PIK3R4: variants seen among roughly 807,000 people sequenced by gnomAD.
PIK3R4 encodes the protein phosphoinositide 3-kinase regulatory subunit 4.
PIK3R4 carries 46 observed loss-of-function variants against 136.5 expected under a neutral mutation model. The observed-to-expected ratio is 0.34, with a 90% CI of 0.27 to 0.43. PIK3R4 has a LOEUF of 0.43. Ranked by LOEUF, PIK3R4 falls within the 20% of genes least tolerant of loss-of-function variation. The pLI, the probability that PIK3R4 is intolerant of heterozygous loss-of-function variation, is 1.00. For missense variants in PIK3R4, 1,331 were observed against 1,649.5 expected (o/e 0.81, Z 3.35); for synonymous variants, 557 against 566.7 (o/e 0.98, Z 0.24).
chr3:130,694,519 T>C (rs1041499772), intron 13 of PIK3R4, among the ~76,000 whole-genome samples: 1 of 152,124 alleles, frequency 6.6e-6, no homozygotes, highest in Non-Finnish European at 1.5e-5. Flanking sequence ...TTCCCAAGTA[T>C]TTTGTTCATT....
Position 130,684,236 on chromosome 3 carries a change from G to C in PIK3R4, c.3607+14C>G. 6.2e-7 allele frequency: 1 copy of C among 1,608,722 alleles called. No individual in the cohort carries two copies. Among genetic ancestry groups the C allele is most frequent in the South Asian group, 1.1e-5 (1 of 90,696 alleles). On this transcript the variant is annotated intron_variant, in intron 16 of 19. Coordinates refer to ENST00000356763, the MANE Select transcript of PIK3R4 (RefSeq NM_014602.3). ...AAAATCTCCCAACACATGAAAGCCA[G>C]CCCTCCATCTTACCTGCAATCACCC...
intron 3 of PIK3R4, among the ~76,000 whole-genome samples, chr3:130,734,590 C>T (rs1011477584): frequency 1.3e-5 from 2 of 152,156 alleles, no homozygotes; most frequent in African/African-American, 4.8e-5. Flanking sequence ...AACCTTATTG[C>T]CACAAGTGCA....
chr3:130,722,099 G>T (rs2066704356), intron 7 of PIK3R4, among the ~76,000 whole-genome samples: 1 of 152,092 alleles, frequency 6.6e-6, no homozygotes, highest in Non-Finnish European at 1.5e-5. Flanking sequence ...TGAGAGAGAT[G>T]TATATAGTCT....
At chr3:130,716,656 A>G in intron 8 of PIK3R4, 57 bp from the exon 9 acceptor site, 2 of 989,102 alleles carry the variant, frequency 2.0e-6, no homozygotes, top group Non-Finnish European at 3.0e-6. Context: ...AGTTATTTTC[A>G]AATTCAATAA....
At chr3:130,718,328 C>T (rs1272538078) in intron 8 of PIK3R4, 61 bp downstream of exon 8, 6 of 1,447,316 alleles carry the variant, frequency 4.1e-6, no homozygotes, top group Admixed American at 1.8e-5. Flanking sequence ...ACTCTCTAAA[C>T]ATTTTTTTTA....
intron 13 of PIK3R4, among the ~76,000 whole-genome samples, chr3:130,699,452 A>G (rs1246442946): frequency 1.3e-5 from 2 of 152,208 alleles, no homozygotes; most frequent in Non-Finnish European, 2.9e-5. Flanking sequence ...GCTAGTTTTC[A>G]TAACTACCAT....
intron 14 of PIK3R4, among the ~76,000 whole-genome samples, chr3:130,687,821 G>C (rs1227721821): frequency 6.6e-6 from 1 of 151,926 alleles, no homozygotes; most frequent in Non-Finnish European, 1.5e-5. Context: ...CTAATTTTTT[G>C]ACACCACAAG....
rs1426479971 is a variant in PIK3R4, at chr3:130,703,725, G to A, written c.3096C>T (p.Thr1032=). Residue 1032 remains threonine (T), a splice_region_variant and synonymous_variant, in exon 13 of 20, where the codon ACC becomes ACT. Coordinates refer to ENST00000356763, the MANE Select transcript of PIK3R4 (RefSeq NM_014602.3). ...SQKMEGKTTT[T]RSILTYSRIG... is the part of the protein sequence containing the mutation. ...ATTCATTCCTGAGCATATGGTACCT[G>A]GTAGTGGTGGTCTTCCCCTCCATCT... 6.2e-7 allele frequency: 1 copy of A among 1,604,184 alleles called. No homozygotes were observed. The highest frequency in any genetic ancestry group is 1.3e-5 in the African/African-American group (1 of 74,806).
At chr3:130,701,509 C>CA (rs539905190) in intron 13 of PIK3R4, among the ~76,000 whole-genome samples, 1,802 of 96,864 alleles carry the variant, frequency 0.019, 18 homozygotes, top group East Asian at 0.068. Context: ...GAGACTGTCT[C>CA]AAAAAAAAAA....
chr3:130,696,938 T>C (rs2066549325), intron 13 of PIK3R4, among the ~76,000 whole-genome samples: 1 of 152,158 alleles, frequency 6.6e-6, no homozygotes, highest in South Asian at 2.1e-4. Flanking sequence ...TGCTGTTAAG[T>C]ATGTTTGTAA....
Position 130,746,419 on chromosome 3 carries a change from G to A in PIK3R4, c.-148C>T, listed in dbSNP as rs946829180. On this transcript the variant is annotated 5_prime_UTR_variant, in exon 1 of 20. Transcript: ENST00000356763. ...GGGAAAACGCGTCAGCAGCGGGGAA[G>A]TTGTTTCTACGAAGGGTCTTTCTTC... The A allele has an allele frequency of 2.0e-5, 3 of 152,296 alleles. No individual in the cohort carries two copies. Among genetic ancestry groups the A allele is most frequent in the Non-Finnish European group, 4.4e-5 (3 of 68,124 alleles). The allele number at this position is 152,296 out of a possible 1,614,324, so 9.4% of individuals were successfully genotyped here. A position where few individuals can be genotyped will look rare whatever the true frequency, so the allele number is the denominator to read the frequency against.
intron 15 of PIK3R4, among the ~76,000 whole-genome samples, chr3:130,685,289 A>G (rs1272280901): frequency 6.6e-6 from 1 of 152,168 alleles, no homozygotes. Context: ...TTCATAGCAA[A>G]TAAGTAGGTA....
At chr3:130,705,142 TA>T (rs200415321) in intron 12 of PIK3R4, among the ~76,000 whole-genome samples, 2 of 152,284 alleles carry the variant, frequency 1.3e-5, no homozygotes, top group East Asian at 1.9e-4. Context: ...GTTTTCTTTT[TA>T]AAAAAAGTAC....
chr3:130,718,400 G>A lies in PIK3R4; in HGVS notation c.2116C>T (p.Pro706Ser), dbSNP rs373670198. Residue 706 changes from proline (P) to serine (S), a missense_variant, in exon 8 of 20, where the codon CCA (proline) becomes TCA (serine). Around this residue, in one of 2 missense-constraint regions of PIK3R4, gnomAD observed 1,180 missense variants for 1,407.0 expected, o/e 0.84. Transcript: ENST00000356763. ...MPYLDPYITQ[P>S]IIQIERKLVL... ...TGGAACATGTATACCTGTATTATTG[G>A]TTGGGTAATATATGGGTCAAGATAA... is the stretch of plus-strand genomic sequence containing the variant. 4.3e-6 allele frequency: 7 copies of A among 1,613,360 alleles called. No individual in the cohort carries two copies. The highest frequency in any genetic ancestry group is 5.1e-6 in the Non-Finnish European group (6 of 1,179,450).
chr3:130,703,611 T>G, intron 13 of PIK3R4, 112 bp downstream of exon 13: 2 of 727,368 alleles, frequency 2.7e-6, no homozygotes, highest in Non-Finnish European at 4.6e-6. Flanking sequence ...TTTTGTCCAT[T>G]TATTGTTGCT....
In PIK3R4 at chr3:130,728,471, C is replaced by T; in HGVS notation, c.1799G>A (p.Ser600Asn). Residue 600 changes from serine to asparagine, a missense_variant, in exon 6 of 20, where the codon AGT (serine) becomes AAT (asparagine). By Grantham distance (46) the Ser-to-Asn change is conservative (BLOSUM62 1). Around this residue, in one of 2 missense-constraint regions of PIK3R4, gnomAD observed 1,180 missense variants for 1,407.0 expected, o/e 0.84. Transcript: ENST00000356763. The part of the protein sequence containing the change: ...DWHLRGAFFD[S>N]IVGVAAYVGW... ...AAAAGCAAAAAACATACCAACTATA[C>T]TATCAAAAAATGCTCCACGTAGATG... The T allele has an allele frequency of 6.2e-7, 1 of 1,602,562 alleles. No individual in the cohort carries two copies. The highest frequency in any genetic ancestry group is 8.5e-7 in the Non-Finnish European group (1 of 1,173,154).
intron 6 of PIK3R4, among the ~76,000 whole-genome samples, chr3:130,727,332 T>C (rs2066737730): frequency 6.9e-6 from 1 of 144,636 alleles, no homozygotes; most frequent in African/African-American, 2.5e-5. Context: ...GCCATTCTCC[T>C]GCCTCAGCCC....
At chr3:130,708,810 T>C (rs2066619291) in intron 9 of PIK3R4, among the ~76,000 whole-genome samples, 1 of 152,170 alleles carries the variant, frequency 6.6e-6, no homozygotes, top group Non-Finnish European at 1.5e-5. Context: ...TGATATCTAG[T>C]AGTATTTAAA....
chr3:130,744,347 G>A (rs1474441441), intron 2 of PIK3R4, 139 bp downstream of exon 2: 2 of 857,122 alleles, frequency 2.3e-6, no homozygotes, highest in East Asian at 2.5e-5. Context: ...CAGGAATGCT[G>A]CCTCTAACTG....
Sources: gnomAD v4.1 joint callset for allele counts (sites outside exome capture counted in the v4.1 genomes callset) on GRCh38, gnomAD v4.1.1 for gene constraint, gnomAD v4.1.1 regional missense constraint, MANE v1.5 for transcripts, NCBI Gene and HGNC (gene_info 2026-07-23, HGNC 2026-07-21) for gene names.